The following TAFA5 variants were observed in gnomAD, a reference collection of about 807,000 sequenced individuals.
The protein encoded by TAFA5 is TAFA chemokine like family member 5, also known as chemokine-like protein TAFA-5.
In TAFA5, 6 loss-of-function variants were observed where a neutral mutation model predicts 15.3. The ratio of observed to expected loss-of-function variants is 0.39; its 90% CI spans 0.21 to 0.77. The LOEUF (loss-of-function observed/expected upper bound fraction) is 0.77, where lower values mean the gene tolerates loss of function less well. TAFA5 is among the 30% of genes least tolerant of loss of function. The pLI is 0.41. For missense variants in TAFA5, 161 were observed against 193.1 expected (o/e 0.83, Z 0.98); for synonymous variants, 103 against 80.7 (o/e 1.28, Z -1.48).
intron 1 of TAFA5, among the ~76,000 whole-genome samples, chr22:48,611,819 G>A (rs1000499559): frequency 6.6e-6 from 1 of 152,146 alleles, no homozygotes; most frequent in Non-Finnish European, 1.5e-5. Flanking sequence ...CCAGGCCTCC[G>A]GATGGGCAGA....
intron 1 of TAFA5, among the ~76,000 whole-genome samples, chr22:48,499,245 C>A (rs188523707): frequency 5.3e-5 from 8 of 152,344 alleles, no homozygotes; most frequent in African/African-American, 1.7e-4. Flanking sequence ...GGTGATGAAG[C>A]CATTTAGAGG....
chr22:48,598,756 G>A lies in TAFA5; in HGVS notation c.113-47841G>A, dbSNP rs751194501. On this transcript the variant is annotated intron_variant, in intron 1 of 3. Coordinates refer to ENST00000402357, the MANE Select transcript of TAFA5 (RefSeq NM_001082967.3). This position sits in a 1 kb window ranked among gnomAD's most constrained non-coding sequence, Gnocchi z 4.0. Reference sequence around the variant, plus strand: ...CCCCAGAGTTAGCTGAGACCCCACCGAGGAAGGGCTCGGTCCCACAAGACT... The same window carrying A: ...CCCCAGAGTTAGCTGAGACCCCACCAAGGAAGGGCTCGGTCCCACAAGACT... 6.6e-6 allele frequency among the ~76,000 whole-genome samples: 1 copy of A among 152,114 alleles called. No individual in the cohort carries two copies. Among genetic ancestry groups the A allele is most frequent in the East Asian group, 1.9e-4 (1 of 5,190 alleles).
At chr22:48,694,018 G>A (rs975028183) in intron 2 of TAFA5, among the ~76,000 whole-genome samples, 5 of 152,212 alleles carry the variant, frequency 3.3e-5, no homozygotes, top group Admixed American at 1.3e-4. Context: ...CAGGAAGCCC[G>A]TGGGCCCCTC....
Position 48,728,291 on chromosome 22 carries a change from C to G in TAFA5, c.390+20447C>G, listed in dbSNP as rs140194052. ...ACCAAAAAATAAAAGCCTTATTAAC[C>G]AGGACTTTCTTATAATTTATTGATT... On this transcript the variant is annotated intron_variant, in intron 3 of 3. Coordinates refer to ENST00000402357, the MANE Select transcript of TAFA5 (RefSeq NM_001082967.3). Among the ~76,000 whole-genome samples the G allele has an allele frequency of 1.0e-3, 156 of 152,246 alleles. 3 individuals are homozygous for G. Among genetic ancestry groups the G allele is most frequent in the Admixed American group, 9.2e-3 (140 of 15,292 alleles).
intron 1 of TAFA5, among the ~76,000 whole-genome samples, chr22:48,610,240 G>C (rs1397686793): frequency 6.6e-6 from 1 of 152,112 alleles, no homozygotes; most frequent in East Asian, 1.9e-4. Context: ...GAGGGTACTG[G>C]AGGACAGGCC....
chr22:48,621,061 T>C (rs1340650939), intron 1 of TAFA5, among the ~76,000 whole-genome samples: 11 of 13,884 alleles, frequency 7.9e-4, no homozygotes, highest in East Asian at 2.3e-3. Flanking sequence ...CCCACCAACC[T>C]ATCCTATTCA....
Position 48,693,166 on chromosome 22 carries a change from A to G in TAFA5, c.263-14551A>G. ...CCTCGAGTCGAAGCCTCTGCTGGAA[A>G]ATACGTCCTTGTCTGCCTGGAGGGG... On this transcript the variant is annotated intron_variant, in intron 2 of 3. Coordinates refer to ENST00000402357, the MANE Select transcript of TAFA5 (RefSeq NM_001082967.3). The G allele has an allele frequency of 3.4e-6, 3 of 883,276 alleles. No homozygotes were observed. In the Admixed American group the frequency reaches 7.9e-5, roughly 23 times the overall value. The allele number at this position is 883,276 out of a possible 1,614,324, so 54.7% of individuals were successfully genotyped here. A position where few individuals can be genotyped will look rare whatever the true frequency, so the allele number is the denominator to read the frequency against.
intron 1 of TAFA5, among the ~76,000 whole-genome samples, chr22:48,630,770 C>T (rs983550533): frequency 6.6e-5 from 10 of 150,804 alleles, no homozygotes; most frequent in African/African-American, 2.4e-4. Flanking sequence ...AGGCTCCAGG[C>T]GCTGGGGAAG....
chr22:48,635,716 G>C (rs567610836), intron 1 of TAFA5, among the ~76,000 whole-genome samples: 1 of 152,126 alleles, frequency 6.6e-6, no homozygotes, highest in Non-Finnish European at 1.5e-5. Flanking sequence ...GGGGACCTGC[G>C]AGAGAAGGAA....
chr22:48,669,735 G>A (rs527588638), intron 2 of TAFA5, among the ~76,000 whole-genome samples: 2 of 152,344 alleles, frequency 1.3e-5, no homozygotes, highest in Admixed American at 6.5e-5. Flanking sequence ...CCTGTGTCAG[G>A]TAAGACGTTT....
chr22:48,582,751 TACACACCACACACAAAATACACCAC>T (rs1216751067), intron 1 of TAFA5, among the ~76,000 whole-genome samples: 5 of 37,878 alleles, frequency 1.3e-4, no homozygotes, highest in East Asian at 7.4e-4. Context: ...CAAAATACAG[TACACACCACACACAAAATACACCAC>T]ACACACCACA....
At chr22:48,571,582 T>G (rs1258354825) in intron 1 of TAFA5, among the ~76,000 whole-genome samples, 2 of 129,666 alleles carry the variant, frequency 1.5e-5, no homozygotes, top group African/African-American at 3.2e-5. Flanking sequence ...CTGTTTTTTT[T>G]TTTTTTTTTT....
intron 1 of TAFA5, among the ~76,000 whole-genome samples, chr22:48,604,762 G>C (rs1487259620): frequency 6.6e-6 from 1 of 152,200 alleles, no homozygotes; most frequent in Non-Finnish European, 1.5e-5. Context: ...CAGGAATTTG[G>C]GGAGGATTGA....
chr22:48,547,907 C>T (rs1028024012), intron 1 of TAFA5, among the ~76,000 whole-genome samples: 1 of 152,178 alleles, frequency 6.6e-6, no homozygotes, highest in South Asian at 2.1e-4. Flanking sequence ...CATGGCTAAC[C>T]GGTGATAGCG....
At chr22:48,727,402 G>A (rs920324200) in intron 3 of TAFA5, among the ~76,000 whole-genome samples, 5 of 152,188 alleles carry the variant, frequency 3.3e-5, no homozygotes, top group Non-Finnish European at 5.9e-5. Flanking sequence ...GATTTAAGTC[G>A]TTAGAGAAAT....
intron 3 of TAFA5, among the ~76,000 whole-genome samples, chr22:48,722,073 T>C (rs899019089): frequency 6.6e-6 from 1 of 152,160 alleles, no homozygotes; most frequent in African/African-American, 2.4e-5. Flanking sequence ...GATTGCTGGG[T>C]CAAATAGTAT....
rs1309381588 is a variant in TAFA5 at position 48,489,725 on chromosome 22, GC to G, written c.112+25del. On this transcript the variant is annotated intron_variant, in intron 1 of 3. Transcript: ENST00000402357. This position sits in a 1 kb window ranked among gnomAD's most constrained non-coding sequence, Gnocchi z 5.5. ...CTGCAGTGAGTACCGCGCGGCCCCG[GC>G]CCCGGCACGGCCCTCTGGGCCCCGG... The G allele has an allele frequency of 7.2e-7, 1 of 1,394,068 alleles. No homozygotes were observed. The highest frequency in any genetic ancestry group is 9.5e-7 in the Non-Finnish European group (1 of 1,055,126). 86.4% of individuals were successfully genotyped at this position (1,394,068 alleles called of 1,614,324 possible). A position where few individuals can be genotyped will look rare whatever the true frequency, so the allele number is the denominator to read the frequency against.
intron 3 of TAFA5, among the ~76,000 whole-genome samples, chr22:48,740,001 C>A (rs972504930): frequency 6.6e-6 from 1 of 152,128 alleles, no homozygotes; most frequent in Non-Finnish European, 1.5e-5. Flanking sequence ...GGAGTCTGAT[C>A]GGTGTCCGGA....
Position 48,561,918 on chromosome 22 carries a change from C to T in TAFA5, c.112+72214C>T, listed in dbSNP as rs551936490. ...GTCCTTTCTGTCCTGGGACTGGGAC[C>T]GTGGGCGGTGGCTCGGCTCATGGCC... On this transcript the variant is annotated intron_variant, in intron 1 of 3. Transcript: ENST00000402357. Among the ~76,000 whole-genome samples the T allele has an allele frequency of 3.2e-4, 48 of 152,296 alleles. No homozygotes were observed. In the Middle Eastern group the frequency reaches 0.01, roughly 32 times the overall value.
Sources: allele counts gnomAD v4.1 joint callset (sites outside exome capture counted in the v4.1 genomes callset), GRCh38; gene constraint gnomAD v4.1.1; non-coding constraint Gnocchi (gnomAD v3.1); transcripts MANE v1.5; gene names NCBI Gene and HGNC (gene_info 2026-07-23, HGNC 2026-07-21).